Variants in SACS observed in about 807,000 individuals in gnomAD.
SACS encodes sacsin molecular chaperone.
A neutral mutation model predicts 348.0 loss-of-function variants in SACS; 197 were observed. That is an observed-to-expected ratio of 0.57 (90% CI 0.50 to 0.64). The LOEUF (loss-of-function observed/expected upper bound fraction) is 0.64. Among genes scored for constraint, SACS ranks in the 30% least tolerant of loss-of-function variants. SACS has a pLI of 0.00. For synonymous variants in SACS, 1,985 were observed against 1,910.6 expected (o/e 1.04, Z -1.02); for missense variants, 4,999 against 5,360.8 (o/e 0.93, Z 2.11).
chr13:23,411,236 C>T lies in SACS; in HGVS notation c.4G>A (p.Glu2Lys), dbSNP rs1276254286. 6.2e-7 allele frequency: 1 copy of T among 1,607,330 alleles called. No homozygotes were observed. The highest frequency in any genetic ancestry group is 1.3e-5 in the African/African-American group (1 of 74,828). Residue 2 changes from glutamate (E) to lysine (K), a missense_variant, in exon 2 of 10, where the codon GAG becomes AAG. Around this residue, in one of 6 missense-constraint regions of SACS, gnomAD observed 3,156 missense variants for 3,380.1 expected, o/e 0.93. Coordinates refer to ENST00000382292, the MANE Select transcript of SACS (RefSeq NM_014363.6). ...CTCATTTACCTGTTCTCCTTGGTCT[C>T]CATGATCACTTCTCCTGGGATATTT... M[E>K]TKENRWVPVT...
chr13:23,405,882 G>A lies in SACS; in HGVS notation c.20+5338C>T, dbSNP rs556139433. ...AGAATGGTGATCATTAAAAAGTCAG[G>A]AAACAACAGATGCTGGAGAGGATGT... On this transcript the variant is annotated intron_variant, in intron 2 of 9. Coordinates refer to ENST00000382292, the MANE Select transcript of SACS (RefSeq NM_014363.6). Among the ~76,000 whole-genome samples, 16 of 152,246 alleles carry A rather than the reference G, an allele frequency of 1.1e-4. 1 individual carries two copies. In the South Asian group the frequency reaches 3.3e-3, roughly 32 times the overall value.
At position 23,381,683 on chromosome 13, in the gene SACS, T is replaced by A. The variant is rs1872064646; in HGVS notation, c.21-6414A>T. ...TCTGGTCAGAAGTAATTGAGAAACA[T>A]GAGTTTATTTATAAAAAACAAATGG... is the stretch of plus-strand genomic sequence containing the variant. On this transcript the variant is annotated intron_variant, in intron 2 of 9. Transcript: ENST00000382292. Among the ~76,000 whole-genome samples, 3 of 152,206 alleles carry A rather than the reference T, an allele frequency of 2.0e-5. No individual in the cohort carries two copies. In the South Asian group the frequency reaches 6.2e-4, roughly 32 times the overall value.
At chr13:23,413,627 T>C (rs1873587294) in intron 1 of SACS, among the ~76,000 whole-genome samples, 1 of 152,216 alleles carries the variant, frequency 6.6e-6, no homozygotes, top group African/African-American at 2.4e-5. Context: ...TATCAGTTCT[T>C]GGATGTTCAT....
chr13:23,385,912 G>A (rs1038219926), intron 2 of SACS, among the ~76,000 whole-genome samples: 9 of 152,208 alleles, frequency 5.9e-5, no homozygotes, highest in Non-Finnish European at 1.3e-4. Context: ...GGGCGACCAG[G>A]TGCAATGTCA....
chr13:23,336,737 T>C lies in SACS; in HGVS notation c.7139A>G (p.Asn2380Ser). The C allele has an allele frequency of 6.2e-7, 1 of 1,613,906 alleles. No individual in the cohort carries two copies. The highest frequency in any genetic ancestry group is 1.1e-5 in the South Asian group (1 of 91,074). Reference protein sequence around the residue: ...YLYQLPNKYKNNFRELFETVG... With the variant: ...YLYQLPNKYKSNFRELFETVG... ...GGTTTCAAAAAGTTCGCGGAAATTA[T>C]TTTTATACTTATTAGGCAACTGATA... is the stretch of plus-strand genomic sequence containing the variant. Residue 2380 changes from asparagine (N) to serine (S), a missense_variant, in exon 10 of 10, where the codon AAT (asparagine) becomes AGT (serine). By Grantham distance (46) the Asn-to-Ser change is conservative. Coordinates refer to ENST00000382292, the MANE Select transcript of SACS (RefSeq NM_014363.6).
At position 23,387,468 on chromosome 13, in the gene SACS, A is replaced by G. The variant is rs1984575; in HGVS notation, c.21-12199T>C. On this transcript the variant is annotated intron_variant, in intron 2 of 9. Transcript: ENST00000382292. ...CAGAGCAAGACTCCGTCTCAGAAAA[A>G]AAAAAAAAAAAAAAAAAAGTCTGTG... is the stretch of plus-strand genomic sequence containing the variant. Among the ~76,000 whole-genome samples, 15 of 126,282 alleles carry G rather than the reference A, an allele frequency of 1.2e-4. No individual in the cohort carries two copies. The East Asian group carries it at 1.8e-3, about 15-fold the overall frequency. The allele number at this position is 126,282 out of a possible 152,430, so 82.8% of individuals were successfully genotyped here.
chr13:23,409,184 G>C (rs1222085848), intron 2 of SACS, among the ~76,000 whole-genome samples: 2 of 146,024 alleles, frequency 1.4e-5, no homozygotes, highest in Non-Finnish European at 3.0e-5. Context: ...AGCCTCCCTA[G>C]TAGCTGGGAC....
intron 1 of SACS, among the ~76,000 whole-genome samples, chr13:23,431,088 A>G (rs966729503): frequency 2.0e-4 from 31 of 152,354 alleles, no homozygotes; most frequent in African/African-American, 6.7e-4. Context: ...AATCTGCAAA[A>G]TGGGGCTGCC....
intron 2 of SACS, among the ~76,000 whole-genome samples, chr13:23,408,969 AT>A (rs774440280): frequency 9.3e-4 from 139 of 150,074 alleles, no homozygotes; most frequent in Non-Finnish European, 1.7e-3. Context: ...CTCAAAAAAA[AT>A]AAAAAAGAAT....
chr13:23,368,329 G>T, intron 5 of SACS, 73 bp downstream of exon 5: 1 of 1,106,996 alleles, frequency 9.0e-7, no homozygotes, highest in Non-Finnish European at 1.3e-6. Flanking sequence ...AACACTAATA[G>T]GACTTTCAAG....
At chr13:23,353,723 A>C (rs1473795579) in intron 9 of SACS, 62 bp downstream of exon 9, 1 of 919,626 alleles carries the variant, frequency 1.1e-6, no homozygotes, top group African/African-American at 1.7e-5. Flanking sequence ...ATAACAGAAA[A>C]CTTTTAAAAA....
chr13:23,381,354 A>AGCGC (rs1476256506), intron 2 of SACS, among the ~76,000 whole-genome samples: 1 of 70,046 alleles, frequency 1.4e-5, no homozygotes, highest in African/African-American at 5.8e-5. Context: ...GGCAGCACGA[A>AGCGC]GCACACACAC....
Position 23,337,343 on chromosome 13 carries a change from T to C in SACS, c.6533A>G (p.His2178Arg), listed in dbSNP as rs1868725471. The change falls in exon 10 of 10, where the codon CAT becomes CGT. Residue 2178 changes from histidine (H) to arginine (R), a missense_variant. By Grantham distance (29) the His-to-Arg change is conservative. Transcript: ENST00000382292. Reference sequence around the variant, plus strand: ...ACTACTTCTTAGGCATGCAGCAACATGATCACTTTTATTAATTTCAGCTAC... The same window carrying C: ...ACTACTTCTTAGGCATGCAGCAACACGATCACTTTTATTAATTTCAGCTAC... ...VSVAEINKSD[H>R]VAACLRSSIL... 1 of 1,614,014 alleles carries C rather than the reference T, an allele frequency of 6.2e-7. No homozygotes were observed.
rs1175897856 is a variant in SACS at position 23,409,040 on chromosome 13, C to CTTTTTTTTTTTTTTTTTTTTTT, written c.20+2158_20+2179dup. On this transcript the variant is annotated intron_variant, in intron 2 of 9. Coordinates refer to ENST00000382292, the MANE Select transcript of SACS (RefSeq NM_014363.6). ...TATGGTCTTAATAAAACAAGTTTTACTTTTTTTTTTTTTTTTTTTTTTTTT... is the reference window on the plus strand; with the variant it reads ...TATGGTCTTAATAAAACAAGTTTTACTTTTTTTTTTTTTTTTTTTTTTTTTTTTTTTTTTTTTTTTTTTTTTT... Among the ~76,000 whole-genome samples the CTTTTTTTTTTTTTTTTTTTTTT allele has an allele frequency of 1.8e-3, 63 of 35,122 alleles. 23 individuals carry two copies. Among genetic ancestry groups the CTTTTTTTTTTTTTTTTTTTTTT allele is most frequent in the Non-Finnish European group, 2.6e-3 (52 of 20,384 alleles). 23.0% of individuals were successfully genotyped at this position (35,122 alleles called of 152,430 possible).
At chr13:23,380,239 TG>T (rs1161226770) in intron 2 of SACS, among the ~76,000 whole-genome samples, 1 of 152,036 alleles carries the variant, frequency 6.6e-6, no homozygotes, top group Non-Finnish European at 1.5e-5. Context: ...TGATGCTGAC[TG>T]GGCAGCTGTC....
At chr13:23,399,522 A>T (rs562526558) in intron 2 of SACS, among the ~76,000 whole-genome samples, 78 of 152,074 alleles carry the variant, frequency 5.1e-4, no homozygotes, top group Non-Finnish European at 7.6e-4. Flanking sequence ...TTCCCACCTA[A>T]TTAGCCATAT....
In SACS at chr13:23,336,474, A is replaced by G; in HGVS notation, c.7402T>C (p.Tyr2468His). The G allele has an allele frequency of 6.2e-7, 1 of 1,614,034 alleles. No homozygotes were observed. The highest frequency in any genetic ancestry group is 8.5e-7 in the Non-Finnish European group (1 of 1,179,898). ...ACTTTTATCCAAGGGCAATCATTGT[A>G]GCATAACGATTTAGCAGGGAGAAGC... ...LMLLPAKSLC[Y>H]NDCPWIKVKD... The change falls in exon 10 of 10, where the codon TAC becomes CAC. Residue 2468 changes from tyrosine (Y) to histidine (H), a missense_variant. Coordinates refer to ENST00000382292, the MANE Select transcript of SACS (RefSeq NM_014363.6).
intron 2 of SACS, among the ~76,000 whole-genome samples, chr13:23,401,917 A>G (rs1260192220): frequency 1.3e-5 from 2 of 152,204 alleles, no homozygotes; most frequent in Admixed American, 1.3e-4. Context: ...GCAGTGGCTC[A>G]CGCCTCTAAT....
intron 2 of SACS, among the ~76,000 whole-genome samples, chr13:23,376,033 G>C (rs1871782752): frequency 6.6e-6 from 1 of 152,044 alleles, no homozygotes; most frequent in Admixed American, 6.5e-5. Context: ...GTCTTCCACG[G>C]TTTCGTTCTG....
Sources: gnomAD v4.1 joint callset for allele counts (sites outside exome capture counted in the v4.1 genomes callset) on GRCh38, gnomAD v4.1.1 for gene constraint, gnomAD v4.1.1 regional missense constraint, MANE v1.5 for transcripts, NCBI Gene and HGNC (gene_info 2026-07-23, HGNC 2026-07-21) for gene names.